Variants in KCNU1 observed in about 807,000 individuals in gnomAD.
KCNU1 encodes the protein potassium channel subfamily U member 1.
A neutral mutation model predicts 126.8 loss-of-function variants in KCNU1; 93 were observed. The ratio of observed to expected loss-of-function variants is 0.73; its 90% CI spans 0.62 to 0.87. The LOEUF (loss-of-function observed/expected upper bound fraction) is 0.87. KCNU1 is among the 40% of genes least tolerant of loss of function. The pLI is 0.00. For synonymous variants in KCNU1, 523 were observed against 494.2 expected, an observed-to-expected ratio of 1.06 and a Z score of -0.77; for missense variants, 1,330 against 1,367.1, an observed-to-expected ratio of 0.97 and a Z score of 0.43.
At chr8:36,890,844 T>C (rs971067443) in intron 19 of KCNU1, among the ~76,000 whole-genome samples, 1 of 151,368 alleles carries the variant, frequency 6.6e-6, no homozygotes, top group Non-Finnish European at 1.5e-5. Context: ...TTTCTTGATG[T>C]CTATTGTGTT....
At chr8:36,926,581 A>G (rs1457887989) in intron 24 of KCNU1, among the ~76,000 whole-genome samples, 1 of 152,214 alleles carries the variant, frequency 6.6e-6, no homozygotes, top group African/African-American at 2.4e-5. Context: ...GAGGCATAAC[A>G]TAAACAGAAT....
chr8:36,830,239 C>T (rs1020851517), intron 10 of KCNU1, among the ~76,000 whole-genome samples: 1 of 151,358 alleles, frequency 6.6e-6, no homozygotes, highest in Non-Finnish European at 1.5e-5. Context: ...ATTGCTGAGA[C>T]ATCAAATATA....
intron 26 of KCNU1, among the ~76,000 whole-genome samples, chr8:36,933,635 A>G (rs1808769796): frequency 6.6e-6 from 1 of 152,122 alleles, no homozygotes; most frequent in Non-Finnish European, 1.5e-5. Flanking sequence ...AATGGAAAGG[A>G]TTCAGAAGGG....
intron 10 of KCNU1, among the ~76,000 whole-genome samples, chr8:36,820,787 A>G (rs1247183901): frequency 1.3e-5 from 2 of 152,142 alleles, no homozygotes; most frequent in African/African-American, 4.8e-5. Flanking sequence ...AAATTGAATC[A>G]AGGATGCAAC....
At chr8:36,873,794 G>A (rs932471037) in intron 19 of KCNU1, among the ~76,000 whole-genome samples, 6 of 152,158 alleles carry the variant, frequency 3.9e-5, no homozygotes, top group Non-Finnish European at 5.9e-5. Context: ...AACCAATTAG[G>A]TCAGCTGTAA....
At chr8:36,900,595 A>G (rs536263075) in intron 19 of KCNU1, among the ~76,000 whole-genome samples, 2 of 152,010 alleles carry the variant, frequency 1.3e-5, no homozygotes, top group South Asian at 2.1e-4. Context: ...CCCATAACAT[A>G]CAGAAGTCAT....
chr8:36,872,974 G>A (rs1371684180), intron 19 of KCNU1, among the ~76,000 whole-genome samples: 1 of 152,118 alleles, frequency 6.6e-6, no homozygotes, highest in Non-Finnish European at 1.5e-5. Flanking sequence ...AGCTACCCAG[G>A]AGGCTGAGGC....
chr8:36,908,226 G>A (rs1807712871), intron 20 of KCNU1, among the ~76,000 whole-genome samples: 2 of 152,070 alleles, frequency 1.3e-5, no homozygotes, highest in African/African-American at 4.8e-5. Context: ...TACATTTATT[G>A]TTTTTATGAG....
intron 21 of KCNU1, among the ~76,000 whole-genome samples, chr8:36,910,678 C>T (rs1347550230): frequency 3.9e-5 from 6 of 152,152 alleles, no homozygotes; most frequent in Non-Finnish European, 1.5e-5. Flanking sequence ...ACGTTCCTCC[C>T]TCCCCACTCT....
intron 19 of KCNU1, among the ~76,000 whole-genome samples, chr8:36,866,992 G>A (rs1393979455): frequency 1.3e-5 from 2 of 152,054 alleles, no homozygotes; most frequent in African/African-American, 4.8e-5. Flanking sequence ...CCATAAATAT[G>A]TACAAATATT....
intron 2 of KCNU1, among the ~76,000 whole-genome samples, chr8:36,800,486 T>G (rs889612660): frequency 1.3e-5 from 2 of 152,226 alleles, no homozygotes; most frequent in Non-Finnish European, 2.9e-5. Context: ...TTCTTTCTGA[T>G]GTGCTTCCTA....
intron 19 of KCNU1, among the ~76,000 whole-genome samples, chr8:36,900,247 A>T (rs1255127259): frequency 2.6e-5 from 4 of 152,138 alleles, no homozygotes; most frequent in Non-Finnish European, 4.4e-5. Flanking sequence ...TTATGTCCCC[A>T]GTTGCTTGGT....
intron 19 of KCNU1, among the ~76,000 whole-genome samples, chr8:36,887,308 G>T (rs1806744885): frequency 6.6e-6 from 1 of 151,994 alleles, no homozygotes; most frequent in Non-Finnish European, 1.5e-5. Flanking sequence ...ACTGTTTTTT[G>T]ACTTTTAATA....
At chr8:36,786,757 G>A (rs774975198) in intron 1 of KCNU1, among the ~76,000 whole-genome samples, 20 of 152,174 alleles carry the variant, frequency 1.3e-4, no homozygotes, top group African/African-American at 2.4e-4. Context: ...TGAGATTACC[G>A]TAACATTTAA....
At chr8:36,920,710 T>TTG (rs375262747) in intron 23 of KCNU1, among the ~76,000 whole-genome samples, 63 of 151,954 alleles carry the variant, frequency 4.1e-4, no homozygotes, top group Admixed American at 1.6e-3. Context: ...CATGGGATAT[T>TTG]TGTGTGTGTG....
At chr8:36,837,013 G>C in intron 14 of KCNU1, 68 bp downstream of exon 14, 2 of 1,518,866 alleles carry the variant, frequency 1.3e-6, no homozygotes, top group Non-Finnish European at 1.8e-6. Context: ...ATCAGAAATA[G>C]GAAAAAAATT....
chr8:36,785,516 G>T (rs920183006), intron 1 of KCNU1, among the ~76,000 whole-genome samples: 1 of 152,024 alleles, frequency 6.6e-6, no homozygotes, highest in African/African-American at 2.4e-5. Context: ...TAAAGTTATT[G>T]GTAATATGGA....
chr8:36,933,136 T>C (rs1451624978), intron 26 of KCNU1, 104 bp downstream of exon 26: 1 of 715,782 alleles, frequency 1.4e-6, no homozygotes, highest in Non-Finnish European at 2.4e-6. Context: ...GGTCCACAGT[T>C]GCAAGGAAGG....
At chr8:36,841,034 G>GTTTTTTT (rs756308750) in intron 16 of KCNU1, 31 bp downstream of exon 16, 80 of 564,576 alleles carry the variant, frequency 1.4e-4, no homozygotes, top group Admixed American at 3.7e-4. Flanking sequence ...CTCTTCAGTT[G>GTTTTTTT]TTTTTTTTTT....
Sources: allele counts gnomAD v4.1 joint callset (sites outside exome capture counted in the v4.1 genomes callset), GRCh38; gene constraint gnomAD v4.1.1; transcripts MANE v1.5; gene names NCBI Gene and HGNC (gene_info 2026-07-23, HGNC 2026-07-21).